Variants in LYPLAL1 observed in about 807,000 individuals in gnomAD.
LYPLAL1 encodes lysophospholipase like 1, also known as lysophospholipase-like protein 1.
LYPLAL1 carries 23 observed loss-of-function variants against 19.7 expected under a neutral mutation model. That is an observed-to-expected ratio of 1.17 (90% confidence interval 0.84 to 1.65). The LOEUF (loss-of-function observed/expected upper bound fraction) is 1.65, where lower values mean the gene tolerates loss of function less well. LYPLAL1 is among the 40% of genes most tolerant of loss of function. The pLI is 0.00. For synonymous variants in LYPLAL1, 119 were observed against 96.3 expected, an observed-to-expected ratio of 1.24 and a Z score of -1.38; for missense variants, 355 against 279.4, an observed-to-expected ratio of 1.27 and a Z score of -1.93.
chr1:219,311,860 A>C, the LYPLAL1 span, among the ~76,000 whole-genome samples: 1 of 152,188 alleles, frequency 6.6e-6, no homozygotes, highest in Non-Finnish European at 1.5e-5. Context: ...GGCTAAATAC[A>C]TAGAATGCTT....
the LYPLAL1 span, among the ~76,000 whole-genome samples, chr1:219,360,011 G>A: frequency 6.6e-6 from 1 of 152,192 alleles, no homozygotes; most frequent in Non-Finnish European, 1.5e-5. Flanking sequence ...GGTCTTGTAA[G>A]TCTCAATCAG....
At chr1:219,335,074 T>G in the LYPLAL1 span, among the ~76,000 whole-genome samples, 1 of 151,904 alleles carries the variant, frequency 6.6e-6, no homozygotes, top group Non-Finnish European at 1.5e-5. Context: ...TACAGAAAAC[T>G]CTCATAAATC....
chr1:219,438,475 T>C, the LYPLAL1 span, among the ~76,000 whole-genome samples: 2 of 152,230 alleles, frequency 1.3e-5, no homozygotes, highest in Non-Finnish European at 2.9e-5. Flanking sequence ...TTCCTCTTAT[T>C]GAACATGCAA....
the LYPLAL1 span, among the ~76,000 whole-genome samples, chr1:219,437,342 T>C: frequency 5.9e-5 from 9 of 152,106 alleles, no homozygotes; most frequent in Non-Finnish European, 1.2e-4. Flanking sequence ...AACTAGGACA[T>C]CCTGTTTTCT....
At chr1:219,361,581 A>C in the LYPLAL1 span, among the ~76,000 whole-genome samples, 2 of 151,762 alleles carry the variant, frequency 1.3e-5, no homozygotes, top group Non-Finnish European at 2.9e-5. Flanking sequence ...GCTCCTTCAC[A>C]CTCCACTTAG....
the LYPLAL1 span, among the ~76,000 whole-genome samples, chr1:219,424,995 G>A: frequency 1.3e-5 from 2 of 151,998 alleles, no homozygotes; most frequent in South Asian, 2.1e-4. Flanking sequence ...TGTCTTAACC[G>A]TTCAAACTAC....
chr1:219,414,841 C>CT, the LYPLAL1 span, among the ~76,000 whole-genome samples: 1 of 152,114 alleles, frequency 6.6e-6, no homozygotes, highest in East Asian at 1.9e-4. Context: ...GGGTTCTGTG[C>CT]TAGGCACTGA....
At chr1:219,387,366 C>T in the LYPLAL1 span, among the ~76,000 whole-genome samples, 5 of 152,294 alleles carry the variant, frequency 3.3e-5, no homozygotes, top group African/African-American at 4.8e-5. Context: ...TAAACAAAGA[C>T]TCTTGCCCAG....
the LYPLAL1 span, among the ~76,000 whole-genome samples, chr1:219,268,806 A>C: frequency 3.3e-5 from 5 of 152,216 alleles, no homozygotes; most frequent in African/African-American, 1.2e-4. Context: ...TCACTCATTA[A>C]CCAAATATTC....
At chr1:219,249,987 G>A in the LYPLAL1 span, among the ~76,000 whole-genome samples, 2 of 152,006 alleles carry the variant, frequency 1.3e-5, no homozygotes, top group African/African-American at 4.8e-5. Flanking sequence ...CACTCTCTTT[G>A]TGGTGTCTTG....
At chr1:219,284,394 G>A in the LYPLAL1 span, among the ~76,000 whole-genome samples, 3 of 152,056 alleles carry the variant, frequency 2.0e-5, no homozygotes, top group Non-Finnish European at 4.4e-5. Flanking sequence ...AATAAGTAAT[G>A]CAAAGGAAAA....
At chr1:219,408,661 A>G in the LYPLAL1 span, among the ~76,000 whole-genome samples, 2 of 151,992 alleles carry the variant, frequency 1.3e-5, no homozygotes, top group African/African-American at 2.4e-5. Context: ...CCAGGAGGGT[A>G]TGCTTAAAGG....
At chr1:219,416,824 G>A in the LYPLAL1 span, among the ~76,000 whole-genome samples, 1 of 152,150 alleles carries the variant, frequency 6.6e-6, no homozygotes, top group African/African-American at 2.4e-5. Context: ...GCTGGTTGCT[G>A]CTGGTTTTTT....
intron 3 of LYPLAL1, among the ~76,000 whole-genome samples, chr1:219,202,816 T>C (rs1268095987): frequency 1.4e-5 from 2 of 146,558 alleles, no homozygotes; most frequent in Non-Finnish European, 3.0e-5. Context: ...GTTAGGATGA[T>C]AGGCACTTGC....
chr1:219,311,533 TG>T, the LYPLAL1 span, among the ~76,000 whole-genome samples: 2 of 52,284 alleles, frequency 3.8e-5, no homozygotes, highest in African/African-American at 1.0e-4. Flanking sequence ...ATGTTGTAGG[TG>T]TTTTTTTTTT....
At chr1:219,210,461 A>C in intron 3 of LYPLAL1, 71 bp from the exon 4 acceptor site, 2 of 1,058,130 alleles carry the variant, frequency 1.9e-6, no homozygotes, top group Non-Finnish European at 2.7e-6. Context: ...AAAAATATGG[A>C]AAATTGTTAT....
At chr1:219,301,533 A>G in the LYPLAL1 span, among the ~76,000 whole-genome samples, 1 of 152,240 alleles carries the variant, frequency 6.6e-6, no homozygotes, top group African/African-American at 2.4e-5. Flanking sequence ...ATTTTTCAAT[A>G]AACCACAAAA....
chr1:219,412,642 A>G, the LYPLAL1 span, among the ~76,000 whole-genome samples: 2 of 152,164 alleles, frequency 1.3e-5, no homozygotes, highest in Admixed American at 1.3e-4. Context: ...TGAAGAATCC[A>G]TATCCTTTCT....
chr1:219,354,355 C>T, the LYPLAL1 span, among the ~76,000 whole-genome samples: 1 of 152,150 alleles, frequency 6.6e-6, no homozygotes, highest in African/African-American at 2.4e-5. Context: ...CGCCACCAAG[C>T]TTGGCTAATT....
Sources: gnomAD v4.1 joint callset for allele counts (sites outside exome capture counted in the v4.1 genomes callset) on GRCh38, gnomAD v4.1.1 for gene constraint, MANE v1.5 for transcripts, NCBI Gene and HGNC (gene_info 2026-07-23, HGNC 2026-07-21) for gene names.